The following NRXN1 variants were observed in gnomAD, a reference collection of about 807,000 sequenced individuals.
NRXN1 encodes the protein neurexin 1.
NRXN1 carries 39 observed loss-of-function variants against 150.9 expected under a neutral mutation model. The ratio of observed to expected loss-of-function variants is 0.26; its 90% CI spans 0.20 to 0.34. The LOEUF (loss-of-function observed/expected upper bound fraction) is 0.34. NRXN1 is among the 10% of genes least tolerant of loss of function. The pLI is 1.00. For missense variants in NRXN1, 1,815 were observed against 1,949.9 expected (o/e 0.93, Z 1.30); for synonymous variants, 924 against 757.0 (o/e 1.22, Z -3.62).
chr2:50,963,460 T>C (rs906269787), intron 2 of NRXN1, among the ~76,000 whole-genome samples: 2 of 151,692 alleles, frequency 1.3e-5, no homozygotes, highest in Non-Finnish European at 3.0e-5. Flanking sequence ...TATCTTTGTA[T>C]ATGCCAAAGT....
At chr2:49,973,323 GTAAA>G (rs1198885498) in intron 21 of NRXN1, among the ~76,000 whole-genome samples, 3 of 152,210 alleles carry the variant, frequency 2.0e-5, no homozygotes, top group African/African-American at 7.2e-5. Flanking sequence ...ATTAATGTAA[GTAAA>G]TGTTACTCAT....
intron 17 of NRXN1, among the ~76,000 whole-genome samples, chr2:50,245,763 A>AC (rs113569591): frequency 2.1e-4 from 32 of 151,304 alleles, no homozygotes; most frequent in African/African-American, 2.4e-4. Context: ...AAAAAAAAAA[A>AC]TGACATAAAC....
intron 21 of NRXN1, among the ~76,000 whole-genome samples, chr2:49,944,142 T>G (rs1209208638): frequency 1.3e-5 from 2 of 152,182 alleles, no homozygotes; most frequent in South Asian, 2.1e-4. Context: ...AGTGCTACAA[T>G]GTATGCATCA....
intron 22 of NRXN1, among the ~76,000 whole-genome samples, chr2:49,926,653 G>GT (rs1491315958): frequency 6.6e-6 from 1 of 151,708 alleles, no homozygotes; most frequent in African/African-American, 2.4e-5. Context: ...CCATTAAAAA[G>GT]TAAAAAAAAA....
chr2:50,167,124 G>T (rs577435233), intron 18 of NRXN1, among the ~76,000 whole-genome samples: 1 of 152,240 alleles, frequency 6.6e-6, no homozygotes, highest in African/African-American at 2.4e-5. Flanking sequence ...TTCATGTTAA[G>T]TCTCAACACC....
At chr2:51,019,711 A>G (rs1669297176) in intron 2 of NRXN1, among the ~76,000 whole-genome samples, 1 of 152,064 alleles carries the variant, frequency 6.6e-6, no homozygotes, top group South Asian at 2.1e-4. Context: ...GAAAACTTAC[A>G]TTGCCTGATT....
intron 21 of NRXN1, among the ~76,000 whole-genome samples, chr2:50,001,293 A>G (rs570014197): frequency 2.0e-5 from 3 of 152,198 alleles, no homozygotes; most frequent in African/African-American, 7.2e-5. Context: ...ATGACTGCTC[A>G]ATAAATAGTA....
At chr2:51,004,117 G>A (rs543399534) in intron 2 of NRXN1, among the ~76,000 whole-genome samples, 7 of 151,262 alleles carry the variant, frequency 4.6e-5, no homozygotes, top group Admixed American at 1.3e-4. Context: ...CCAGGTTTCC[G>A]GAGGTGAACT....
chr2:50,576,592 T>G (rs1573615203), intron 8 of NRXN1, among the ~76,000 whole-genome samples: 1 of 152,232 alleles, frequency 6.6e-6, no homozygotes, highest in East Asian at 1.9e-4. Flanking sequence ...TAGCCTCTCT[T>G]TCATTAATTA....
At chr2:50,247,084 A>G (rs763458972) in intron 17 of NRXN1, among the ~76,000 whole-genome samples, 1 of 152,092 alleles carries the variant, frequency 6.6e-6, no homozygotes, top group African/African-American at 2.4e-5. Flanking sequence ...CCATGCCTAC[A>G]TCCATCAGCA....
intron 5 of NRXN1, among the ~76,000 whole-genome samples, chr2:50,861,274 A>G (rs751706497): frequency 4.6e-5 from 7 of 152,010 alleles, no homozygotes; most frequent in Non-Finnish European, 1.0e-4. Flanking sequence ...GTGCAGTGAG[A>G]TGACCATAGC....
chr2:50,397,988 A>T (rs1016995886), intron 17 of NRXN1, among the ~76,000 whole-genome samples: 1 of 152,188 alleles, frequency 6.6e-6, no homozygotes, highest in African/African-American at 2.4e-5. Context: ...CTTACAGATA[A>T]TGTGAATACA....
intron 18 of NRXN1, among the ~76,000 whole-genome samples, chr2:50,210,237 G>T (rs2062917290): frequency 6.6e-6 from 1 of 151,808 alleles, no homozygotes; most frequent in Non-Finnish European, 1.5e-5. Context: ...TGAATATTAA[G>T]AATTCATTAT....
chr2:50,930,073 C>G (rs1345868412), intron 2 of NRXN1, among the ~76,000 whole-genome samples: 3 of 152,044 alleles, frequency 2.0e-5, no homozygotes, highest in Non-Finnish European at 1.5e-5. Flanking sequence ...TTCAAACATG[C>G]TTTTTAACAG....
chr2:50,405,109 A>G (rs2082668064), intron 17 of NRXN1, among the ~76,000 whole-genome samples: 1 of 152,174 alleles, frequency 6.6e-6, no homozygotes, highest in African/African-American at 2.4e-5. Context: ...CTATCTCTGC[A>G]TTCTTCATAA....
At chr2:50,764,989 G>C (rs1702225901) in intron 5 of NRXN1, among the ~76,000 whole-genome samples, 1 of 152,002 alleles carries the variant, frequency 6.6e-6, no homozygotes, top group Admixed American at 6.6e-5. Flanking sequence ...TAAGTTGCTA[G>C]TGTTATTGTT....
At chr2:50,193,791 C>A (rs1014764968) in intron 18 of NRXN1, among the ~76,000 whole-genome samples, 1 of 151,968 alleles carries the variant, frequency 6.6e-6, no homozygotes, top group South Asian at 2.1e-4. Flanking sequence ...TATCCATTAC[C>A]ATTCTGTGGT....
At chr2:50,165,058 C>T (rs548034754) in intron 18 of NRXN1, among the ~76,000 whole-genome samples, 6 of 152,184 alleles carry the variant, frequency 3.9e-5, no homozygotes, top group African/African-American at 1.2e-4. Flanking sequence ...GTGAAAGAAC[C>T]TAAAAAGCCA....
At chr2:50,150,514 A>T (rs765426429) in intron 18 of NRXN1, among the ~76,000 whole-genome samples, 2 of 151,804 alleles carry the variant, frequency 1.3e-5, no homozygotes, top group Non-Finnish European at 2.9e-5. Flanking sequence ...AAGAAGCAAA[A>T]GTATATTACT....
Sources: gnomAD v4.1 joint callset for allele counts (sites outside exome capture counted in the v4.1 genomes callset) on GRCh38, gnomAD v4.1.1 for gene constraint, MANE v1.5 for transcripts, NCBI Gene and HGNC (gene_info 2026-07-23, HGNC 2026-07-21) for gene names.